ARFGEF1: variants seen among roughly 807,000 people sequenced by gnomAD.
The protein encoded by ARFGEF1 is brefeldin A-inhibited guanine nucleotide-exchange protein 1.
Under a neutral mutation model 231.0 loss-of-function variants are expected in ARFGEF1, and 42 were observed. The ratio of observed to expected loss-of-function variants is 0.18; its 90% CI spans 0.14 to 0.24. The LOEUF (loss-of-function observed/expected upper bound fraction) is 0.24, where lower values mean the gene tolerates loss of function less well. ARFGEF1 is among the 10% of genes least tolerant of loss of function. The pLI is 1.00. For missense variants in ARFGEF1, 1,345 were observed against 2,192.0 expected (o/e 0.61, Z 7.72); for synonymous variants, 710 against 732.3 (o/e 0.97, Z 0.49).
At chr8:67,250,260 G>A (rs1327359548) in intron 19 of ARFGEF1, among the ~76,000 whole-genome samples, 1 of 152,174 alleles carries the variant, frequency 6.6e-6, no homozygotes, top group East Asian at 1.9e-4. Context: ...ACGGGTAAGA[G>A]GAGTGAAAAA....
At chr8:67,252,354 C>T (rs897437321) in intron 18 of ARFGEF1, among the ~76,000 whole-genome samples, 1 of 151,118 alleles carries the variant, frequency 6.6e-6, no homozygotes, top group Non-Finnish European at 1.5e-5. Context: ...ATGACTGCTC[C>T]TGAGTTAACA....
At chr8:67,257,861 A>T (rs374321106) in intron 16 of ARFGEF1, 45 bp from the exon 17 acceptor site, 25 of 1,493,756 alleles carry the variant, frequency 1.7e-5, no homozygotes, top group Non-Finnish European at 2.2e-5. Flanking sequence ...ACTGTTTTAT[A>T]TAGTTTCATT....
chr8:67,316,714 C>A (rs1309033352), intron 1 of ARFGEF1, among the ~76,000 whole-genome samples: 1 of 152,162 alleles, frequency 6.6e-6, no homozygotes, highest in East Asian at 1.9e-4. Flanking sequence ...CCCTCCTCGA[C>A]CTCCCAAAAT....
rs1436965244 is a variant in ARFGEF1 at position 67,337,084 on chromosome 8, G to A, written c.124+6080C>T. On this transcript the variant is annotated intron_variant, in intron 1 of 38. Coordinates refer to ENST00000262215, the MANE Select transcript of ARFGEF1 (RefSeq NM_006421.5). ...GCGGAGCTTGCAGTGAGCCAGGATC[G>A]CGCCACTGCACTCCAGCCTGTGTGA... Among the ~76,000 whole-genome samples the A allele has an allele frequency of 3.6e-5, 5 of 139,612 alleles. No homozygotes were observed. In the Admixed American group the frequency reaches 3.8e-4, roughly 11 times the overall value. 91.6% of individuals were successfully genotyped at this position (139,612 alleles called of 152,430 possible).
chr8:67,200,378 T>C lies in ARFGEF1; in HGVS notation c.5385+18A>G. ...TTGGGCTAGAAATGTGGGGCTGGATTCGAAGCCTCATACTTACCCTATTAT... is the reference window on the plus strand; with the variant it reads ...TTGGGCTAGAAATGTGGGGCTGGATCCGAAGCCTCATACTTACCCTATTAT... On this transcript the variant is annotated intron_variant, in intron 38 of 38. Transcript: ENST00000262215. 2 of 1,503,528 alleles carry C rather than the reference T, an allele frequency of 1.3e-6. No individual in the cohort carries two copies. The highest frequency in any genetic ancestry group is 9.3e-7 in the Non-Finnish European group (1 of 1,079,544). The allele number at this position is 1,503,528 out of a possible 1,614,324, so 93.1% of individuals were successfully genotyped here. A position where few individuals can be genotyped will look rare whatever the true frequency, so the allele number is the denominator to read the frequency against.
chr8:67,313,620 A>T (rs1807172934), intron 1 of ARFGEF1, among the ~76,000 whole-genome samples: 1 of 152,166 alleles, frequency 6.6e-6, no homozygotes, highest in Non-Finnish European at 1.5e-5. Flanking sequence ...GTCTGAACAA[A>T]GTTCTGTGAT....
At chr8:67,206,825 G>C (rs1321976816) in intron 34 of ARFGEF1, among the ~76,000 whole-genome samples, 1 of 152,208 alleles carries the variant, frequency 6.6e-6, no homozygotes, top group Non-Finnish European at 1.5e-5. Context: ...CAGTCTTGGG[G>C]CAATGGCTTC....
rs757183150 is a variant in ARFGEF1 at position 67,292,105 on chromosome 8, T to C, written c.658A>G (p.Met220Val). ...ENQALQEAKQMEKERHRQHHH... is the reference protein window; with the variant it reads ...ENQALQEAKQVEKERHRQHHH... Reference sequence around the variant, plus strand: ...TGCTGCCGATGCCTTTCTTTTTCCATTTGTTTTGCTTCCTGTAACTGGAAA... The same window carrying C: ...TGCTGCCGATGCCTTTCTTTTTCCACTTGTTTTGCTTCCTGTAACTGGAAA... Residue 220 changes from methionine to valine, a missense_variant, in exon 6 of 39, where the codon ATG becomes GTG. This residue lies in a region of ARFGEF1 where 398 missense variants were observed against 463.2 expected (regional missense o/e 0.86). Transcript: ENST00000262215. The C allele has an allele frequency of 5.0e-6, 8 of 1,611,612 alleles. No individual in the cohort carries two copies. Among genetic ancestry groups the C allele is most frequent in the Non-Finnish European group, 6.8e-6 (8 of 1,179,152 alleles).
chr8:67,223,869 AG>A (rs1258322025), intron 29 of ARFGEF1, among the ~76,000 whole-genome samples: 1 of 152,200 alleles, frequency 6.6e-6, no homozygotes, highest in Non-Finnish European at 1.5e-5. Flanking sequence ...AGTTCCTAAC[AG>A]GTCCACTGAT....
intron 23 of ARFGEF1, among the ~76,000 whole-genome samples, chr8:67,231,963 TA>T (rs146433933): frequency 2.7e-5 from 4 of 150,098 alleles, no homozygotes; most frequent in Admixed American, 6.6e-5. Context: ...ACTCTCCTCT[TA>T]AAAAAAAACA....
chr8:67,262,839 G>A (rs1215698660), intron 14 of ARFGEF1, among the ~76,000 whole-genome samples: 1 of 152,052 alleles, frequency 6.6e-6, no homozygotes, highest in African/African-American at 2.4e-5. Flanking sequence ...TAGACATAAG[G>A]GGGTTATAGG....
rs145915270 is a variant in ARFGEF1 at position 67,251,317 on chromosome 8, A to G, written c.2832T>C (p.His944=). 10 of 1,603,456 alleles carry G rather than the reference A, an allele frequency of 6.2e-6. No individual in the cohort carries two copies. Among genetic ancestry groups the G allele is most frequent in the African/African-American group, 4.0e-5 (3 of 74,498 alleles). The part of the protein sequence containing the change: ...APFTSATHLE[H]VRPMFKLAWT... ...TTCTAACCTTAAACATGGGCCTCACATGCTCCAAATGTGTTGCACTTGTAA... is the reference window on the plus strand; with the variant it reads ...TTCTAACCTTAAACATGGGCCTCACGTGCTCCAAATGTGTTGCACTTGTAA... The change falls in exon 19 of 39, where the codon CAT becomes CAC. Residue 944 remains histidine (H), a synonymous_variant. Coordinates refer to ENST00000262215, the MANE Select transcript of ARFGEF1 (RefSeq NM_006421.5).
At chr8:67,206,747 T>G (rs894451335) in intron 34 of ARFGEF1, among the ~76,000 whole-genome samples, 2 of 152,196 alleles carry the variant, frequency 1.3e-5, no homozygotes, top group African/African-American at 4.8e-5. Context: ...TCTCAGATTC[T>G]CAGGGGCAGC....
At chr8:67,318,866 G>A (rs1807448386) in intron 1 of ARFGEF1, among the ~76,000 whole-genome samples, 2 of 152,154 alleles carry the variant, frequency 1.3e-5, no homozygotes. Context: ...CCAGCTACTT[G>A]GGAGGCCAAG....
intron 5 of ARFGEF1, chr8:67,180,036 A>C: frequency 1.8e-6 from 1 of 549,548 alleles, no homozygotes; most frequent in Non-Finnish European, 3.1e-6. Context: ...AAAAAAAAAA[A>C]GGAATATTCT....
intron 4 of ARFGEF1, among the ~76,000 whole-genome samples, chr8:67,297,364 C>T (rs1806281048): frequency 6.6e-6 from 1 of 152,102 alleles, no homozygotes. Context: ...AATAGCTGTG[C>T]TGTTGTTGTT....
Position 67,287,983 on chromosome 8 carries a change from T to G in ARFGEF1, c.999A>C (p.Val333=), listed in dbSNP as rs761614910. ...CAACAACAATGTTCACCATTTCTTC[T>G]ACAATGTTCTGTACAATGTCTTGTG... ...EKPQDIVQNI[V]EEMVNIVVGD... Residue 333 remains valine, a synonymous_variant, in exon 7 of 39, where the codon GTA becomes GTC. Transcript: ENST00000262215. 7 of 1,595,390 alleles carry G rather than the reference T, an allele frequency of 4.4e-6. No individual in the cohort carries two copies. The highest frequency in any genetic ancestry group is 1.4e-5 in the African/African-American group (1 of 73,808).
chr8:67,275,075 TCTG>T (rs1346947385), intron 9 of ARFGEF1, among the ~76,000 whole-genome samples: 2 of 152,118 alleles, frequency 1.3e-5, no homozygotes, highest in Non-Finnish European at 2.9e-5. Context: ...CTGTCTCTGG[TCTG>T]CTCAGCTGGC....
At chr8:67,203,294 T>TA in intron 35 of ARFGEF1, 43 bp from the exon 36 acceptor site, 12 of 1,591,226 alleles carry the variant, frequency 7.5e-6, no homozygotes, top group Non-Finnish European at 1.0e-5. Context: ...ACAGTCACAA[T>TA]AATTTTACTT....
Sources: gnomAD v4.1 joint callset for allele counts (sites outside exome capture counted in the v4.1 genomes callset) on GRCh38, gnomAD v4.1.1 for gene constraint, gnomAD v4.1.1 regional missense constraint, MANE v1.5 for transcripts, NCBI Gene and HGNC (gene_info 2026-07-23, HGNC 2026-07-21) for gene names.